Variants in FAM186A observed in about 807,000 individuals in gnomAD.
FAM186A encodes the protein family with sequence similarity 186 member A, also known as protein FAM186A.
In FAM186A, 163 loss-of-function variants were observed where a neutral mutation model predicts 216.8. The ratio of observed to expected loss-of-function variants is 0.75; its 90% CI spans 0.66 to 0.86. The LOEUF (loss-of-function observed/expected upper bound fraction) is 0.86, where lower values mean the gene tolerates loss of function less well. FAM186A is among the 40% of genes least tolerant of loss of function. The probability of loss-of-function intolerance (pLI) is 0.00; values close to 1 mark genes in which losing one functional copy is unlikely to be tolerated. For synonymous variants in FAM186A, 805 were observed against 1,025.3 expected (o/e 0.79, Z 4.10); for missense variants, 2,184 against 2,746.2 (o/e 0.80, Z 4.58).
rs188380656 is a variant in FAM186A at position 50,358,879 on chromosome 12, C to T, written c.583+1877G>A. 2.0e-4 allele frequency among the ~76,000 whole-genome samples: 30 copies of T among 148,336 alleles called. No homozygotes were observed. In the East Asian group the frequency reaches 6.0e-3, roughly 30 times the overall value. On this transcript the variant is annotated intron_variant, in intron 3 of 7. Transcript: ENST00000327337. The stretch of plus-strand genomic sequence containing the variant: ...TGGAGGTTGTAGTGAGCTGAGATCA[C>T]ACCACTGCACTCCAACCTGGGCGAC...
chr12:50,359,687 A>C (rs1943013754), intron 3 of FAM186A, among the ~76,000 whole-genome samples: 1 of 152,224 alleles, frequency 6.6e-6, no homozygotes, highest in Non-Finnish European at 1.5e-5. Flanking sequence ...GTATATCCAA[A>C]CAACTGTGTA....
intron 1 of FAM186A, among the ~76,000 whole-genome samples, chr12:50,379,710 C>T (rs1296053179): frequency 2.6e-5 from 4 of 151,566 alleles, no homozygotes; most frequent in African/African-American, 7.3e-5. Flanking sequence ...CGCTTGAACC[C>T]GGGAGGCAGA....
At position 50,334,065 on chromosome 12, in the gene FAM186A, G is replaced by C; in HGVS notation, c.6542C>G (p.Thr2181Ser). ...IMKRLKAIQN[T>S]GKGYEARNLH... ...GTTCCTGGCCTCATAGCCTTTCCCAGTATTTTGGATGGCTTTTAGTCGTTT... is the reference window on the plus strand; with the variant it reads ...GTTCCTGGCCTCATAGCCTTTCCCACTATTTTGGATGGCTTTTAGTCGTTT... The change falls in exon 5 of 8, where the codon ACT becomes AGT. Residue 2181 changes from threonine to serine, a missense_variant. Physicochemically the swap from Thr to Ser is moderately conservative, Grantham distance 58. This residue lies in a region of FAM186A where 721 missense variants were observed against 816.4 expected (regional missense o/e 0.88). Coordinates refer to ENST00000327337, the MANE Select transcript of FAM186A (RefSeq NM_001145475.3). 9 of 1,549,164 alleles carry C rather than the reference G, an allele frequency of 5.8e-6. No individual in the cohort carries two copies. The highest frequency in any genetic ancestry group is 7.9e-6 in the Non-Finnish European group (9 of 1,146,298).
At chr12:50,342,938 ATT>A (rs66491621) in intron 4 of FAM186A, among the ~76,000 whole-genome samples, 3,095 of 140,988 alleles carry the variant, frequency 0.022, 81 homozygotes, top group African/African-American at 0.065. Flanking sequence ...AGACTAGATA[ATT>A]TTTTTTTTTT....
chr12:50,377,053 T>C (rs1232521401), intron 1 of FAM186A, among the ~76,000 whole-genome samples: 1 of 152,124 alleles, frequency 6.6e-6, no homozygotes, highest in Admixed American at 6.6e-5. Context: ...CCAGCAGAAC[T>C]GTGTTTAAAG....
chr12:50,336,139 G>C (rs1291292669), intron 4 of FAM186A, among the ~76,000 whole-genome samples: 1 of 121,216 alleles, frequency 8.2e-6, no homozygotes, highest in Non-Finnish European at 1.9e-5. Context: ...AAAAAAAAAA[G>C]AGTAATAAAG....
At position 50,354,513 on chromosome 12, in the gene FAM186A, A is replaced by T; in HGVS notation, c.2319T>A (p.Ser773=). Residue 773 remains serine (S), a synonymous_variant, in exon 4 of 8, where the codon TCT becomes TCA. Transcript: ENST00000327337. The stretch of plus-strand genomic sequence containing the variant: ...CATATGAGAGGAGGGTACTGCTTTC[A>T]GATTTTGCACTAATTGGTGACTTCT... The part of the protein sequence containing the change: ...HFQKSPISAK[S]ESSTLLSYES... 1 of 1,551,652 alleles carries T rather than the reference A, an allele frequency of 6.4e-7. No individual in the cohort carries two copies. The highest frequency in any genetic ancestry group is 8.7e-7 in the Non-Finnish European group (1 of 1,147,000).
Position 50,352,935 on chromosome 12 carries a change from C to G in FAM186A, c.3897G>C (p.Leu1299=). ...IPLNPQQAQT[L]GIPLTPKQAQ... ...CCTGCTTAGGGGTGAGAGGGATCCCCAGGGTCTGGGCCTGCTGAGGGTTGA... is the reference window on the plus strand; with the variant it reads ...CCTGCTTAGGGGTGAGAGGGATCCCGAGGGTCTGGGCCTGCTGAGGGTTGA... The change falls in exon 4 of 8, where the codon CTG becomes CTC. Residue 1299 remains leucine (L), a synonymous_variant. Transcript: ENST00000327337. 7 of 1,531,176 alleles carry G rather than the reference C, an allele frequency of 4.6e-6. No individual in the cohort carries two copies. In the South Asian group the frequency reaches 7.2e-5, roughly 16 times the overall value. 94.8% of individuals were successfully genotyped at this position (1,531,176 alleles called of 1,614,324 possible). A position where few individuals can be genotyped will look rare whatever the true frequency, so the allele number is the denominator to read the frequency against.
intron 3 of FAM186A, among the ~76,000 whole-genome samples, chr12:50,357,049 C>A (rs1178149657): frequency 2.5e-5 from 3 of 117,994 alleles, no homozygotes; most frequent in South Asian, 5.8e-4. Flanking sequence ...TACATACATA[C>A]ATAAAATAAA....
chr12:50,336,821 T>A lies in FAM186A; in HGVS notation c.6504-2718A>T, dbSNP rs10219545. On this transcript the variant is annotated intron_variant, in intron 4 of 7. Coordinates refer to ENST00000327337, the MANE Select transcript of FAM186A (RefSeq NM_001145475.3). ...TATGTTAAGGAGTTTGGATCTTCTC[T>A]TATTTTTTTTTTTGGTAGATGATGG... 1.9e-3 allele frequency among the ~76,000 whole-genome samples: 295 copies of A among 151,380 alleles called. 1 individual carries two copies. Among genetic ancestry groups the A allele is most frequent in the African/African-American group, 6.5e-3 (266 of 41,046 alleles).
intron 1 of FAM186A, among the ~76,000 whole-genome samples, chr12:50,378,441 A>G (rs1943219948): frequency 6.6e-6 from 1 of 151,372 alleles, no homozygotes; most frequent in Non-Finnish European, 1.5e-5. Flanking sequence ...GAGGCAGGAG[A>G]ATCGTTTGAA....
intron 1 of FAM186A, among the ~76,000 whole-genome samples, chr12:50,390,748 T>G (rs531936124): frequency 1.3e-5 from 2 of 152,254 alleles, no homozygotes; most frequent in Admixed American, 1.3e-4. Flanking sequence ...TGCCGGGGCT[T>G]CCTTCACTAC....
Position 50,392,927 on chromosome 12 carries a change from T to C in FAM186A, c.192+3366A>G, listed in dbSNP as rs556674299. ...CGCCCAGCCAGTATCAATACTTGTA[T>C]ACTTTTTTTTTTTTTTTGAGGCGGA... is the stretch of plus-strand genomic sequence containing the variant. On this transcript the variant is annotated intron_variant, in intron 1 of 7. Coordinates refer to ENST00000327337, the MANE Select transcript of FAM186A (RefSeq NM_001145475.3). Among the ~76,000 whole-genome samples the C allele has an allele frequency of 1.0e-3, 71 of 68,998 alleles. 1 individual carries two copies. The highest frequency in any genetic ancestry group is 2.6e-3 in the African/African-American group (65 of 25,016). The allele number at this position is 68,998 out of a possible 152,430, so 45.3% of individuals were successfully genotyped here. A position where few individuals can be genotyped will look rare whatever the true frequency, so the allele number is the denominator to read the frequency against.
chr12:50,383,775 A>G (rs900333847), intron 1 of FAM186A, among the ~76,000 whole-genome samples: 3 of 152,092 alleles, frequency 2.0e-5, no homozygotes, highest in African/African-American at 7.2e-5. Context: ...CATTGTAAGC[A>G]AACTATGTAA....
chr12:50,380,129 T>G (rs1943240603), intron 1 of FAM186A, among the ~76,000 whole-genome samples: 1 of 152,190 alleles, frequency 6.6e-6, no homozygotes, highest in African/African-American at 2.4e-5. Context: ...TGACCCAAAA[T>G]GGAATATGAA....
At chr12:50,372,460 G>C (rs1027808727) in intron 1 of FAM186A, among the ~76,000 whole-genome samples, 7 of 151,878 alleles carry the variant, frequency 4.6e-5, no homozygotes, top group African/African-American at 1.5e-4. Flanking sequence ...CGGGCATGGT[G>C]GTGGGCACCT....
At chr12:50,361,388 G>A (rs537834136) in intron 2 of FAM186A, among the ~76,000 whole-genome samples, 28 of 151,818 alleles carry the variant, frequency 1.8e-4, no homozygotes, top group Admixed American at 5.3e-4. Flanking sequence ...TAGTAAAGAC[G>A]GGGTTTCACC....
chr12:50,330,659 C>G lies in FAM186A; in HGVS notation c.6948G>C (p.Gln2316His). 1 of 1,550,710 alleles carries G rather than the reference C, an allele frequency of 6.4e-7. No homozygotes were observed. The highest frequency in any genetic ancestry group is 8.7e-7 in the Non-Finnish European group (1 of 1,146,580). The change falls in exon 7 of 8, where the codon CAG becomes CAC. Residue 2316 changes from glutamine to histidine, a missense_variant. Physicochemically the swap from Gln to His is conservative, Grantham distance 24. This residue lies in a region of FAM186A where 721 missense variants were observed against 816.4 expected (regional missense o/e 0.88). Coordinates refer to ENST00000327337, the MANE Select transcript of FAM186A (RefSeq NM_001145475.3). ...EKTSMHSLWA[Q>H]LGGYPDIPRL... Reference sequence around the variant, plus strand: ...TGGGAATATCTGGGTACCCACCCAGCTGGGCCCAGAGTGAATGCATAGATG... The same window carrying G: ...TGGGAATATCTGGGTACCCACCCAGGTGGGCCCAGAGTGAATGCATAGATG...
intron 1 of FAM186A, among the ~76,000 whole-genome samples, chr12:50,392,966 A>C (rs1489839664): frequency 1.6e-5 from 2 of 128,940 alleles, no homozygotes; most frequent in Non-Finnish European, 3.2e-5. Context: ...TTGCTCTGTC[A>C]CCCAGGCTGG....
Sources: gnomAD v4.1 joint callset for allele counts (sites outside exome capture counted in the v4.1 genomes callset) on GRCh38, gnomAD v4.1.1 for gene constraint, gnomAD v4.1.1 regional missense constraint, MANE v1.5 for transcripts, NCBI Gene and HGNC (gene_info 2026-07-23, HGNC 2026-07-21) for gene names.